Variants in BCL9L observed in about 807,000 individuals in gnomAD.
The protein encoded by BCL9L is B-cell CLL/lymphoma 9-like protein.
A neutral mutation model predicts 99.4 loss-of-function variants in BCL9L; 19 were observed. That is an observed-to-expected ratio of 0.19 (90% CI 0.13 to 0.28). The LOEUF (loss-of-function observed/expected upper bound fraction) is 0.28. Among genes scored for constraint, BCL9L ranks in the 10% least tolerant of loss-of-function variants. The pLI is 1.00. For synonymous variants in BCL9L, 900 were observed against 854.8 expected (o/e 1.05, Z -0.92); for missense variants, 2,023 against 2,101.6 (o/e 0.96, Z 0.73).
intron 1 of BCL9L, among the ~76,000 whole-genome samples, chr11:118,924,617 C>T (rs1275026758): frequency 3.3e-5 from 5 of 152,168 alleles, no homozygotes; most frequent in Admixed American, 6.5e-5. Flanking sequence ...CTACATTCTT[C>T]CCCGAGGGTT....
Position 118,902,713 on chromosome 11 carries a change from T to C in BCL9L, c.1030A>G (p.Thr344Ala), listed in dbSNP as rs1179024374. The C allele has an allele frequency of 1.3e-6, 2 of 1,598,220 alleles. No homozygotes were observed. Among genetic ancestry groups the C allele is most frequent in the Admixed American group, 1.7e-5 (1 of 59,858 alleles). ...LAPNSVGAAS[T>A]GGGTGGTHPN... is the part of the protein sequence containing the mutation. ...TGGGTGCCCCCAGTCCCACCACCTG[T>C]GCTGGCAGCTCCCACCGAGTTGGGG... Residue 344 changes from threonine to alanine, a missense_variant, in exon 8 of 10, where the codon ACA becomes GCA. Transcript: ENST00000683865. This position sits in a 1 kb window ranked among gnomAD's most constrained non-coding sequence, Gnocchi z 7.8.
At chr11:118,919,515 G>A (rs2134441824) in intron 1 of BCL9L, among the ~76,000 whole-genome samples, 1 of 152,174 alleles carries the variant, frequency 6.6e-6, no homozygotes, top group Non-Finnish European at 1.5e-5. Flanking sequence ...CAGCAGGCGG[G>A]AGAGAGGCTG....
intron 2 of BCL9L, among the ~76,000 whole-genome samples, chr11:118,916,724 C>G (rs559801553): frequency 1.3e-5 from 2 of 152,338 alleles, no homozygotes; most frequent in South Asian, 4.1e-4. Flanking sequence ...GATCATAGGT[C>G]TGGGCACTGC....
Position 118,900,572 on chromosome 11 carries a change from C to A in BCL9L, c.3124+47G>T. The A allele has an allele frequency of 1.3e-6, 2 of 1,553,762 alleles. No individual in the cohort carries two copies. Among genetic ancestry groups the A allele is most frequent in the South Asian group, 2.4e-5 (2 of 82,054 alleles). Reference sequence around the variant, plus strand: ...CCAGCCCCAGCATGGACACACTGCTCAGCGCCTGCCTGCCTGCCTGCCTGC... The same window carrying A: ...CCAGCCCCAGCATGGACACACTGCTAAGCGCCTGCCTGCCTGCCTGCCTGC... On this transcript the variant is annotated intron_variant, in intron 8 of 9. Coordinates refer to ENST00000683865, the MANE Select transcript of BCL9L (RefSeq NM_001378213.1). The surrounding 1 kb of genome is among the most constrained non-coding windows in gnomAD (Gnocchi z 5.3).
chr11:118,906,874 T>C (rs1591987783), intron 5 of BCL9L, among the ~76,000 whole-genome samples: 3 of 152,204 alleles, frequency 2.0e-5, no homozygotes, highest in East Asian at 1.9e-4. Flanking sequence ...AACGTAAACT[T>C]TGAGGGAAAA....
chr11:118,907,637 T>TAG, intron 4 of BCL9L, 35 bp from the exon 5 acceptor site: 1 of 1,604,908 alleles, frequency 6.2e-7, no homozygotes, highest in South Asian at 1.1e-5. Flanking sequence ...AGTGAGTGCC[T>TAG]AGAGGCCCCA....
At chr11:118,919,859 T>C (rs1328647396) in intron 1 of BCL9L, among the ~76,000 whole-genome samples, 2 of 152,164 alleles carry the variant, frequency 1.3e-5, no homozygotes, top group Non-Finnish European at 2.9e-5. Context: ...TTTTCTGAGC[T>C]CATCTCCTAA....
intron 2 of BCL9L, among the ~76,000 whole-genome samples, chr11:118,918,057 G>T (rs754803614): frequency 1.6e-4 from 25 of 152,168 alleles, no homozygotes; most frequent in Non-Finnish European, 2.8e-4. Flanking sequence ...GTGTCCCTTG[G>T]GGGGTGGCTT....
chr11:118,913,429 C>A (rs995044298), intron 2 of BCL9L, among the ~76,000 whole-genome samples: 1 of 152,186 alleles, frequency 6.6e-6, no homozygotes, highest in African/African-American at 2.4e-5. Flanking sequence ...TTGGACAGGC[C>A]TGAGGTCACC....
Position 118,909,959 on chromosome 11 carries a change from G to A in BCL9L, c.-20C>T. On this transcript the variant is annotated 5_prime_UTR_variant, in exon 3 of 10. Transcript: ENST00000683865. ...CCTCATGGCTCCCACACACAGTGGGGCTACGGCCCCTGTGCGTGCCCAGGG... is the reference window on the plus strand; with the variant it reads ...CCTCATGGCTCCCACACACAGTGGGACTACGGCCCCTGTGCGTGCCCAGGG... The A allele has an allele frequency of 1.2e-6, 2 of 1,613,992 alleles. No individual in the cohort carries two copies. The highest frequency in any genetic ancestry group is 1.7e-6 in the Non-Finnish European group (2 of 1,179,912).
In BCL9L at chr11:118,901,660, G is replaced by GT; in HGVS notation, c.2082_2083insA (p.Leu695ThrfsTer37). On this transcript the variant is annotated frameshift_variant, in exon 8 of 10. Transcript: ENST00000683865. LOFTEE classifies it high-confidence loss of function. The surrounding 1 kb of genome is among the most constrained non-coding windows in gnomAD (Gnocchi z 6.6). ...CCCATGCCACTGCCTGCCATGCCCA[G>GT]GGGGCGCTGCATGCCCATCGACCGC... 2 of 1,613,714 alleles carry GT rather than the reference G, an allele frequency of 1.2e-6. No individual in the cohort carries two copies. Among genetic ancestry groups the GT allele is most frequent in the Non-Finnish European group, 1.7e-6 (2 of 1,180,032 alleles).
In BCL9L at chr11:118,908,721, A is replaced by C. The variant is rs1940644808; in HGVS notation, c.27-66T>G. The C allele has an allele frequency of 2.1e-6, 3 of 1,439,482 alleles. No homozygotes were observed. The Admixed American group carries it at 6.0e-5, about 29-fold the overall frequency. 89.2% of individuals were successfully genotyped at this position (1,439,482 alleles called of 1,614,324 possible). Reference sequence around the variant, plus strand: ...AGGGGCTAGGCATGCCTGCAACTTAATTACCCCATCCTGCCTCCCCTAACA... The same window carrying C: ...AGGGGCTAGGCATGCCTGCAACTTACTTACCCCATCCTGCCTCCCCTAACA... On this transcript the variant is annotated intron_variant, in intron 3 of 9. Coordinates refer to ENST00000683865, the MANE Select transcript of BCL9L (RefSeq NM_001378213.1).
intron 2 of BCL9L, chr11:118,910,334 G>A (rs1014686712): frequency 1.6e-5 from 3 of 190,212 alleles, no homozygotes; most frequent in African/African-American, 2.3e-5. Flanking sequence ...GGCCCCCTGA[G>A]GGATTCCTGC....
chr11:118,921,847 C>A lies in BCL9L; in HGVS notation c.-130-2968G>T, dbSNP rs1231354395. Among the ~76,000 whole-genome samples, 1 of 152,130 alleles carries A rather than the reference C, an allele frequency of 6.6e-6. No individual in the cohort carries two copies. The highest frequency in any genetic ancestry group is 6.5e-5 in the Admixed American group (1 of 15,284). ...TGGCACCCTGGCTCCCCTTCCCCAC[C>A]AGCTAGCACAGCCCCAAGGTGGGTG... On this transcript the variant is annotated intron_variant, in intron 1 of 9. Coordinates refer to ENST00000683865, the MANE Select transcript of BCL9L (RefSeq NM_001378213.1). This position sits in a 1 kb window ranked among gnomAD's most constrained non-coding sequence, Gnocchi z 5.4.
chr11:118,901,836 C>T lies in BCL9L; in HGVS notation c.1907G>A (p.Gly636Asp). ...GGGCAAGTCTTCGGTCCAGCCCATG[C>T]CTGGTCTCACGGGCCTCTGCATGGC... is the stretch of plus-strand genomic sequence containing the variant. ...MNAMQRPVRP[G>D]MGWTEDLPPM... The change falls in exon 8 of 10, where the codon GGC (glycine) becomes GAC (aspartate). Residue 636 changes from glycine to aspartate, a missense_variant. By Grantham distance (94) the Gly-to-Asp change is moderately conservative (BLOSUM62 -1). This residue lies in a region of BCL9L where 1,116 missense variants were observed against 1,194.6 expected (regional missense o/e 0.93). Transcript: ENST00000683865. The surrounding 1 kb of genome is among the most constrained non-coding windows in gnomAD (Gnocchi z 6.6). 3.1e-6 allele frequency: 5 copies of T among 1,609,920 alleles called. No homozygotes were observed. The highest frequency in any genetic ancestry group is 4.2e-6 in the Non-Finnish European group (5 of 1,176,648).
chr11:118,906,285 G>A (rs1940516336), intron 5 of BCL9L, among the ~76,000 whole-genome samples: 1 of 152,210 alleles, frequency 6.6e-6, no homozygotes, highest in Non-Finnish European at 1.5e-5. Context: ...ATGGGGGGAG[G>A]TGTCTGGTCT....
chr11:118,916,770 C>T (rs1176080414), intron 2 of BCL9L, among the ~76,000 whole-genome samples: 2 of 152,228 alleles, frequency 1.3e-5, no homozygotes, highest in African/African-American at 4.8e-5. Flanking sequence ...CACAGGGAAT[C>T]CGGGGTCCAG....
At chr11:118,904,028 C>T (rs1270614518) in intron 5 of BCL9L, among the ~76,000 whole-genome samples, 3 of 152,214 alleles carry the variant, frequency 2.0e-5, no homozygotes, top group African/African-American at 4.8e-5. Context: ...CTCTAAGCCT[C>T]GGTTTCTTCA....
At chr11:118,912,912 G>A (rs1487769543) in intron 2 of BCL9L, among the ~76,000 whole-genome samples, 1 of 152,118 alleles carries the variant, frequency 6.6e-6, no homozygotes, top group Non-Finnish European at 1.5e-5. Flanking sequence ...TACAGCGCCC[G>A]AGACGACAGG....
Sources: allele counts gnomAD v4.1 joint callset (sites outside exome capture counted in the v4.1 genomes callset), GRCh38; gene constraint gnomAD v4.1.1; regional missense constraint gnomAD v4.1.1; non-coding constraint Gnocchi (gnomAD v3.1); transcripts MANE v1.5; gene names NCBI Gene and HGNC (gene_info 2026-07-23, HGNC 2026-07-21).